The following MCTP1 variants were observed in gnomAD, a reference collection of about 807,000 sequenced individuals.
MCTP1 encodes multiple C2 and transmembrane domain containing 1, also known as multiple C2 and transmembrane domain-containing protein 1.
Under a neutral mutation model 120.6 loss-of-function variants are expected in MCTP1, and 69 were observed. The ratio of observed to expected loss-of-function variants is 0.57; its 90% confidence interval spans 0.47 to 0.70. The LOEUF (loss-of-function observed/expected upper bound fraction) is 0.70, where lower values mean the gene tolerates loss of function less well. MCTP1 is among the 30% of genes least tolerant of loss of function. The pLI is 0.00. For missense variants in MCTP1, 1,203 were observed against 1,248.8 expected, an observed-to-expected ratio of 0.96 and a Z score of 0.55; for synonymous variants, 529 against 493.1, an observed-to-expected ratio of 1.07 and a Z score of -0.96.
chr5:94,738,000 A>G (rs1233607984), intron 19 of MCTP1, among the ~76,000 whole-genome samples: 2 of 152,208 alleles, frequency 1.3e-5, no homozygotes, highest in African/African-American at 4.8e-5. Flanking sequence ...TCTTAAAACT[A>G]GCTAAATGCC....
At chr5:95,006,766 A>C (rs936969149) in intron 2 of MCTP1, among the ~76,000 whole-genome samples, 1 of 152,202 alleles carries the variant, frequency 6.6e-6, no homozygotes, top group African/African-American at 2.4e-5. Context: ...CTGGGAAAAA[A>C]GGATCAACCA....
intron 1 of MCTP1, among the ~76,000 whole-genome samples, chr5:95,151,954 C>T (rs1223525400): frequency 6.6e-6 from 1 of 152,182 alleles, no homozygotes; most frequent in Non-Finnish European, 1.5e-5. Context: ...TTGTAAATGG[C>T]AACATTGTTG....
chr5:94,881,390 A>C (rs1249933559), intron 12 of MCTP1, among the ~76,000 whole-genome samples: 1 of 152,104 alleles, frequency 6.6e-6, no homozygotes, highest in Non-Finnish European at 1.5e-5. Context: ...CTTCTGATTA[A>C]ATTTTCTAGA....
chr5:94,775,876 C>T (rs907478880), intron 19 of MCTP1, among the ~76,000 whole-genome samples: 2 of 149,958 alleles, frequency 1.3e-5, no homozygotes, highest in Non-Finnish European at 3.0e-5. Flanking sequence ...CAAACCCTCA[C>T]CTGAATAATG....
intron 2 of MCTP1, among the ~76,000 whole-genome samples, chr5:94,978,025 A>G (rs1828509290): frequency 6.6e-6 from 1 of 152,124 alleles, no homozygotes; most frequent in East Asian, 1.9e-4. Flanking sequence ...ACACAATAGC[A>G]AAAAAACCTA....
At chr5:95,213,503 G>GA (rs1354177343) in intron 1 of MCTP1, among the ~76,000 whole-genome samples, 1 of 151,992 alleles carries the variant, frequency 6.6e-6, no homozygotes, top group East Asian at 1.9e-4. Flanking sequence ...CACAGAATTG[G>GA]AAAAAACTAC....
In MCTP1 at chr5:94,816,543, T is replaced by C. The variant is rs188878617; in HGVS notation, c.2437-17411A>G. ...ATTTAAATAATTTAATTAAATAAAATTATTACCATGAAAGAATAATTATAA... is the reference window on the plus strand; with the variant it reads ...ATTTAAATAATTTAATTAAATAAAACTATTACCATGAAAGAATAATTATAA... On this transcript the variant is annotated intron_variant, in intron 17 of 22. Coordinates refer to ENST00000515393, the MANE Select transcript of MCTP1 (RefSeq NM_024717.7). Among the ~76,000 whole-genome samples, 207 of 152,234 alleles carry C rather than the reference T, an allele frequency of 1.4e-3. 1 individual carries two copies. Among genetic ancestry groups the C allele is most frequent in the African/African-American group, 4.9e-3 (202 of 41,566 alleles).
intron 2 of MCTP1, among the ~76,000 whole-genome samples, chr5:94,975,951 C>T (rs922221385): frequency 3.3e-5 from 5 of 152,084 alleles, no homozygotes; most frequent in African/African-American, 4.8e-5. Context: ...CCTGGGTCAT[C>T]GAGAAATCTT....
intron 1 of MCTP1, among the ~76,000 whole-genome samples, chr5:95,136,599 GAA>G (rs1202043505): frequency 6.6e-6 from 1 of 152,182 alleles, no homozygotes; most frequent in Non-Finnish European, 1.5e-5. Context: ...CAAGAAGAGA[GAA>G]GAGTGAGAGA....
Position 94,704,484 on chromosome 5 carries a change from C to A in MCTP1, c.*3012G>T, listed in dbSNP as rs1296118730. 6.6e-6 allele frequency: 1 copy of A among 151,202 alleles called. No homozygotes were observed. The highest frequency in any genetic ancestry group is 1.5e-5 in the Non-Finnish European group (1 of 67,580). 9.4% of individuals were successfully genotyped at this position (151,202 alleles called of 1,614,324 possible). On this transcript the variant is annotated 3_prime_UTR_variant, in exon 23 of 23. Transcript: ENST00000515393. The stretch of plus-strand genomic sequence containing the variant: ...TGTAGACTACTTTGAGCATAGGAGA[C>A]CTTAGATATGAGATCAAAGTGGAAA...
At chr5:95,014,236 C>A (rs1237403321) in intron 2 of MCTP1, among the ~76,000 whole-genome samples, 1 of 149,820 alleles carries the variant, frequency 6.7e-6, no homozygotes, top group Non-Finnish European at 1.5e-5. Context: ...CCAGCCTAGG[C>A]AACAGAGTAA....
At chr5:94,727,049 T>A (rs564288406) in intron 19 of MCTP1, among the ~76,000 whole-genome samples, 1 of 152,330 alleles carries the variant, frequency 6.6e-6, no homozygotes, top group African/African-American at 2.4e-5. Flanking sequence ...CAAGACAAAC[T>A]TATACCTTTC....
At chr5:94,830,298 C>T (rs1232429936) in intron 17 of MCTP1, among the ~76,000 whole-genome samples, 6 of 152,242 alleles carry the variant, frequency 3.9e-5, no homozygotes, top group African/African-American at 1.4e-4. Context: ...GGCTTCTATA[C>T]ATCACAGTAA....
intron 2 of MCTP1, among the ~76,000 whole-genome samples, chr5:94,994,518 A>T (rs575136192): frequency 6.6e-6 from 1 of 152,270 alleles, no homozygotes; most frequent in African/African-American, 2.4e-5. Flanking sequence ...AGTTTCATTT[A>T]TTTACCTATG....
At chr5:95,094,453 T>G (rs181729890) in intron 1 of MCTP1, among the ~76,000 whole-genome samples, 1 of 152,246 alleles carries the variant, frequency 6.6e-6, no homozygotes, top group East Asian at 1.9e-4. Flanking sequence ...GAATCTTGAC[T>G]CATAAGATGT....
chr5:94,757,511 G>A (rs1020931547), intron 19 of MCTP1, among the ~76,000 whole-genome samples: 4 of 152,176 alleles, frequency 2.6e-5, no homozygotes, highest in African/African-American at 9.6e-5. Context: ...ATGAAAGGAA[G>A]TTAGTTTTAG....
chr5:95,177,521 A>G (rs1245277965), intron 1 of MCTP1, among the ~76,000 whole-genome samples: 1 of 152,234 alleles, frequency 6.6e-6, no homozygotes, highest in Non-Finnish European at 1.5e-5. Context: ...AACATTAAGC[A>G]TTAAGAGTAG....
intron 1 of MCTP1, among the ~76,000 whole-genome samples, chr5:95,057,580 A>G (rs1747748023): frequency 6.6e-6 from 1 of 152,234 alleles, no homozygotes; most frequent in Admixed American, 6.5e-5. Context: ...AATAGTGACT[A>G]AGATTGCCTC....
intron 1 of MCTP1, among the ~76,000 whole-genome samples, chr5:95,045,754 C>T (rs992161196): frequency 1.3e-5 from 2 of 152,148 alleles, no homozygotes; most frequent in African/African-American, 4.8e-5. Context: ...TATATGGTTA[C>T]ATCATAATTT....
Sources: allele counts gnomAD v4.1 joint callset (sites outside exome capture counted in the v4.1 genomes callset), GRCh38; gene constraint gnomAD v4.1.1; transcripts MANE v1.5; gene names NCBI Gene and HGNC (gene_info 2026-07-23, HGNC 2026-07-21).